The following CNMD variants were observed in gnomAD, a reference collection of about 807,000 sequenced individuals.
The protein encoded by CNMD is chondromodulin.
CNMD carries 30 observed loss-of-function variants against 37.5 expected under a neutral mutation model. That is an observed-to-expected ratio of 0.80 (90% CI 0.60 to 1.09). CNMD has a LOEUF of 1.09. Among genes scored for constraint, CNMD ranks in the 50% least tolerant of loss-of-function variants. CNMD has a pLI of 0.00. For missense variants in CNMD, 398 were observed against 423.9 expected, an observed-to-expected ratio of 0.94 and a Z score of 0.54; for synonymous variants, 167 against 148.2, an observed-to-expected ratio of 1.13 and a Z score of -0.92.
In CNMD at chr13:52,733,202, G is replaced by A. The variant is rs745499168; in HGVS notation, c.354+17C>T. 5.6e-6 allele frequency: 9 copies of A among 1,613,602 alleles called. No homozygotes were observed. The East Asian group carries it at 2.0e-4, about 36-fold the overall frequency. On this transcript the variant is annotated intron_variant, in intron 3 of 6. Transcript: ENST00000377962. Reference sequence around the variant, plus strand: ...GCTTGCCTGGTTAAATTCTCTAAATGCATGAAATATACTTACATTCTGGAA... The same window carrying A: ...GCTTGCCTGGTTAAATTCTCTAAATACATGAAATATACTTACATTCTGGAA...
At chr13:52,705,911 C>T (rs1368654225) in intron 6 of CNMD, among the ~76,000 whole-genome samples, 1 of 152,172 alleles carries the variant, frequency 6.6e-6, no homozygotes, top group African/African-American at 2.4e-5. Flanking sequence ...TTTGCCTATT[C>T]AGATTCTTTT....
chr13:52,710,773 C>T (rs892859189), intron 5 of CNMD, among the ~76,000 whole-genome samples: 11 of 152,130 alleles, frequency 7.2e-5, no homozygotes, highest in African/African-American at 2.7e-4. Flanking sequence ...TTCTTGTGTA[C>T]ATAATATGTG....
intron 2 of CNMD, among the ~76,000 whole-genome samples, chr13:52,738,708 T>C (rs1018947411): frequency 2.0e-5 from 3 of 152,126 alleles, no homozygotes; most frequent in Non-Finnish European, 4.4e-5. Flanking sequence ...ACGAGTACAC[T>C]GAGGCCAAAA....
chr13:52,716,933 T>C (rs543727617), intron 4 of CNMD, among the ~76,000 whole-genome samples: 1 of 152,298 alleles, frequency 6.6e-6, no homozygotes, highest in East Asian at 1.9e-4. Context: ...ATAAATTACT[T>C]TGGGCAATAT....
rs555009290 is a variant in CNMD, at chr13:52,723,862, G to A, written c.468+135C>T. On this transcript the variant is annotated intron_variant, in intron 4 of 6. Transcript: ENST00000377962. Reference sequence around the variant, plus strand: ...GAGAATCGGATGCAGTGAGCCAAAAGCGCCACTGCACTCCAGAGTGAGACT... The same window carrying A: ...GAGAATCGGATGCAGTGAGCCAAAAACGCCACTGCACTCCAGAGTGAGACT... 7.8e-4 allele frequency: 489 copies of A among 625,696 alleles called. 7 individuals are homozygous for A. The South Asian group carries it at 9.3e-3, about 12-fold the overall frequency. 38.8% of individuals were successfully genotyped at this position (625,696 alleles called of 1,614,324 possible).
chr13:52,707,156 A>G (rs1964195393), intron 6 of CNMD, among the ~76,000 whole-genome samples: 1 of 152,156 alleles, frequency 6.6e-6, no homozygotes, highest in African/African-American at 2.4e-5. Flanking sequence ...AGCCTCCCAA[A>G]GTGCTGGGAT....
intron 4 of CNMD, among the ~76,000 whole-genome samples, chr13:52,715,305 C>A (rs1964355368): frequency 6.6e-6 from 1 of 152,044 alleles, no homozygotes. Context: ...CCGTTCCAGC[C>A]TCTGGTAATC....
At chr13:52,704,115 C>T (rs74336584) in intron 6 of CNMD, among the ~76,000 whole-genome samples, 1 of 152,268 alleles carries the variant, frequency 6.6e-6, no homozygotes, top group African/African-American at 2.4e-5. Context: ...CTTAGTAACT[C>T]AGCTTGTTTT....
At chr13:52,738,972 T>TC in intron 2 of CNMD, 59 bp downstream of exon 2, 1 of 1,402,052 alleles carries the variant, frequency 7.1e-7, no homozygotes, top group South Asian at 1.8e-5. Flanking sequence ...GCGCTCGGGC[T>TC]CCCCCTAGGG....
chr13:52,717,024 T>C (rs1964400397), intron 4 of CNMD, among the ~76,000 whole-genome samples: 1 of 152,316 alleles, frequency 6.6e-6, no homozygotes, highest in African/African-American at 2.4e-5. Context: ...CTTTTTTCAT[T>C]GAGCAGTGGT....
intron 5 of CNMD, among the ~76,000 whole-genome samples, chr13:52,712,266 A>G (rs940528183): frequency 2.6e-5 from 4 of 152,224 alleles, no homozygotes; most frequent in African/African-American, 9.6e-5. Context: ...CTTGAGAGGA[A>G]TCTCAGCCAA....
Position 52,712,785 on chromosome 13 carries a change from A to C in CNMD, c.553T>G (p.Leu185Val). Residue 185 changes from leucine to valine, a missense_variant, in exon 5 of 7, where the codon TTG (leucine) becomes GTG (valine). Transcript: ENST00000377962. ...CAGAGTTCTAACACCTTAGAACTCA[A>C]GAAGCTGTTGTCCTTCACAGGCTGA... ...VDQPVKDNSFLSSKVLELCGD... is the reference protein window; with the variant it reads ...VDQPVKDNSFVSSKVLELCGD... 6.3e-7 allele frequency: 1 copy of C among 1,596,570 alleles called. No individual in the cohort carries two copies. Among genetic ancestry groups the C allele is most frequent in the African/African-American group, 1.3e-5 (1 of 74,648 alleles).
chr13:52,739,382 G>T lies in CNMD; in HGVS notation c.73-211C>A. On this transcript the variant is annotated intron_variant, in intron 1 of 6. Coordinates refer to ENST00000377962, the MANE Select transcript of CNMD (RefSeq NM_007015.3). The surrounding 1 kb of genome is among the most constrained non-coding windows in gnomAD (Gnocchi z 5.4). ...GGAAGTGGGATGAGCAAACCCCGCAGCACAGGGCCTTCGCCCCAGGACCTG... is the reference window on the plus strand; with the variant it reads ...GGAAGTGGGATGAGCAAACCCCGCATCACAGGGCCTTCGCCCCAGGACCTG... 1 of 680,796 alleles carries T rather than the reference G, an allele frequency of 1.5e-6. No homozygotes were observed. The highest frequency in any genetic ancestry group is 2.4e-6 in the Non-Finnish European group (1 of 412,304). The allele number at this position is 680,796 out of a possible 1,614,324, so 42.2% of individuals were successfully genotyped here.
At chr13:52,727,527 G>C (rs1964594997) in intron 3 of CNMD, among the ~76,000 whole-genome samples, 1 of 152,078 alleles carries the variant, frequency 6.6e-6, no homozygotes, top group South Asian at 2.1e-4. Flanking sequence ...AGCTAGGTGT[G>C]GTGGTGTGTG....
At chr13:52,711,544 C>T (rs1964290370) in intron 5 of CNMD, among the ~76,000 whole-genome samples, 1 of 152,176 alleles carries the variant, frequency 6.6e-6, no homozygotes, top group African/African-American at 2.4e-5. Flanking sequence ...CTGTGCTGGG[C>T]AGCTACTGCC....
chr13:52,715,297 G>A (rs907736601), intron 4 of CNMD, among the ~76,000 whole-genome samples: 5 of 151,810 alleles, frequency 3.3e-5, no homozygotes, highest in Admixed American at 2.0e-4. Flanking sequence ...CCCCCAAACC[G>A]TTCCAGCCTC....
At chr13:52,717,409 T>A (rs879008700) in intron 4 of CNMD, among the ~76,000 whole-genome samples, 2 of 152,210 alleles carry the variant, frequency 1.3e-5, no homozygotes, top group African/African-American at 4.8e-5. Context: ...GAGGGCATCC[T>A]TGTCTTGTGC....
At chr13:52,709,521 A>G (rs1964258177) in intron 5 of CNMD, among the ~76,000 whole-genome samples, 1 of 152,216 alleles carries the variant, frequency 6.6e-6, no homozygotes, top group African/African-American at 2.4e-5. Context: ...GAAAAAGCAA[A>G]TGCTTTTATA....
At chr13:52,706,485 C>T (rs1409521208) in intron 6 of CNMD, among the ~76,000 whole-genome samples, 1 of 152,178 alleles carries the variant, frequency 6.6e-6, no homozygotes, top group Non-Finnish European at 1.5e-5. Context: ...TTTATTTACT[C>T]CTCATAATCC....
Sources: allele counts gnomAD v4.1 joint callset (sites outside exome capture counted in the v4.1 genomes callset), GRCh38; gene constraint gnomAD v4.1.1; non-coding constraint Gnocchi (gnomAD v3.1); transcripts MANE v1.5; gene names NCBI Gene and HGNC (gene_info 2026-07-23, HGNC 2026-07-21).